The following GPR89B variants were observed in gnomAD, a reference collection of about 807,000 sequenced individuals.
The protein encoded by GPR89B is G protein-coupled receptor 89B.
Under a neutral mutation model 52.4 loss-of-function variants are expected in GPR89B, and 25 were observed. The observed-to-expected ratio is 0.48, with a 90% CI of 0.35 to 0.67. The LOEUF is 0.67. GPR89B is among the 30% of genes least tolerant of loss of function. GPR89B has a pLI of 0.01. For synonymous variants in GPR89B, 52 were observed against 151.2 expected (o/e 0.34, Z 4.81); for missense variants, 146 against 450.2 (o/e 0.32, Z 6.11).
intron 10 of GPR89B, among the ~76,000 whole-genome samples, chr1:147,975,199 G>A (rs1337338043): frequency 7.5e-6 from 1 of 134,010 alleles, no homozygotes; most frequent in Non-Finnish European, 1.6e-5. Context: ...AAATGAGTTA[G>A]GGAGGAGTCC....
the GPR89B span, among the ~76,000 whole-genome samples, chr1:147,998,887 A>G: frequency 1.3e-5 from 2 of 151,460 alleles, no homozygotes; most frequent in Non-Finnish European, 2.9e-5. Context: ...TCTCAAAAAA[A>G]AAAAAAAAAA....
intron 10 of GPR89B, among the ~76,000 whole-genome samples, chr1:147,975,609 C>G (rs1194098959): frequency 6.6e-6 from 1 of 152,158 alleles, no homozygotes; most frequent in Non-Finnish European, 1.5e-5. Context: ...AAAACTGGCT[C>G]CTGGATTCGT....
At chr1:147,932,569 T>C (rs1653737535) in intron 1 of GPR89B, among the ~76,000 whole-genome samples, 1 of 152,146 alleles carries the variant, frequency 6.6e-6, no homozygotes, top group Admixed American at 6.6e-5. Flanking sequence ...AAAGCTCCCT[T>C]TTCTAACTCA....
At chr1:147,983,762 A>G (rs1166134708) in intron 10 of GPR89B, among the ~76,000 whole-genome samples, 1 of 151,946 alleles carries the variant, frequency 6.6e-6, no homozygotes, top group Non-Finnish European at 1.5e-5. Flanking sequence ...TGTGGAAGTC[A>G]GTGTGGCGAT....
chr1:147,950,299 C>T (rs1231547907), intron 5 of GPR89B, among the ~76,000 whole-genome samples: 4 of 147,652 alleles, frequency 2.7e-5, no homozygotes, highest in African/African-American at 7.6e-5. Flanking sequence ...CCAGACGGGG[C>T]GGCGGGGCAG....
At chr1:147,982,448 T>A (rs1658330814) in intron 10 of GPR89B, among the ~76,000 whole-genome samples, 1 of 142,650 alleles carries the variant, frequency 7.0e-6, no homozygotes, top group African/African-American at 2.7e-5. Flanking sequence ...GTGCTCCAAT[T>A]TCTCCACATC....
the GPR89B span, chr1:148,011,843 G>A: frequency 6.6e-6 from 1 of 152,106 alleles, no homozygotes; most frequent in South Asian, 2.1e-4. Flanking sequence ...CCAGAATTTG[G>A]GAACTGTTTT....
intron 12 of GPR89B, among the ~76,000 whole-genome samples, chr1:147,988,818 C>T (rs1200485246): frequency 9.2e-5 from 14 of 151,524 alleles, no homozygotes; most frequent in African/African-American, 3.2e-4. Flanking sequence ...GAGCCAAGGT[C>T]ACACACTGCA....
intron 8 of GPR89B, chr1:147,967,869 G>A (rs1657144481): frequency 5.6e-6 from 1 of 178,606 alleles, no homozygotes; most frequent in African/African-American, 2.4e-5. Context: ...TCCTCAAGGA[G>A]CTTACCCTCT....
intron 7 of GPR89B, among the ~76,000 whole-genome samples, chr1:147,964,058 T>G (rs1476518136): frequency 6.6e-6 from 1 of 151,944 alleles, no homozygotes; most frequent in Non-Finnish European, 1.5e-5. Flanking sequence ...GCTGTACAGG[T>G]GCACCCTGAA....
At chr1:148,018,658 C>CATT in the GPR89B span, among the ~76,000 whole-genome samples, 2,444 of 149,996 alleles carry the variant, frequency 0.016, 42 homozygotes, top group African/African-American at 0.041. Context: ...AAGCAGTGCA[C>CATT]ATTATTATTA....
intron 10 of GPR89B, among the ~76,000 whole-genome samples, chr1:147,970,491 A>ATC (rs1174595676): frequency 0.11 from 11,133 of 105,508 alleles, 307 homozygotes; most frequent in Non-Finnish European, 0.12. Flanking sequence ...GTGAGACTCC[A>ATC]TCTCTCTCTC....
At chr1:147,962,767 G>A (rs1338436684) in intron 7 of GPR89B, among the ~76,000 whole-genome samples, 23 of 150,816 alleles carry the variant, frequency 1.5e-4, no homozygotes, top group East Asian at 4.0e-4. Context: ...GTGTGGTGGC[G>A]GGCACCTGTA....
chr1:147,933,878 A>G (rs1217193049), intron 1 of GPR89B, among the ~76,000 whole-genome samples: 20 of 152,136 alleles, frequency 1.3e-4, no homozygotes, highest in Non-Finnish European at 2.6e-4. Context: ...TATAATATAA[A>G]ACAAATCAGA....
rs138692411 is a variant in GPR89B at position 147,941,354 on chromosome 1, A to G, written c.207-2084A>G. ...AATCTTGCAGAAGCTTAGCTGAAAT[A>G]CTATGTAGTATTGCCTGGAGGATGT... On this transcript the variant is annotated intron_variant, in intron 3 of 13. Coordinates refer to ENST00000314163, the MANE Select transcript of GPR89B (RefSeq NM_016334.5). 8.6e-3 allele frequency among the ~76,000 whole-genome samples: 1,312 copies of G among 152,350 alleles called. 18 individuals are homozygous for G. The highest frequency in any genetic ancestry group is 0.029 in the African/African-American group (1,198 of 41,568).
chr1:147,985,941 AAGGCATAATGCCGTAGC>A (rs1247610205), intron 10 of GPR89B, among the ~76,000 whole-genome samples: 2 of 152,228 alleles, frequency 1.3e-5, no homozygotes, highest in Non-Finnish European at 2.9e-5. Flanking sequence ...CTGATAAATT[AAGGCATAATGCCGTAGC>A]TTTATTCCCA....
At chr1:148,011,571 G>A in the GPR89B span, 1 of 152,336 alleles carries the variant, frequency 6.6e-6, no homozygotes, top group Non-Finnish European at 1.5e-5. Context: ...TCGTGAGTCG[G>A]AGAGCCATCA....
chr1:147,971,634 G>A (rs1571295136), intron 10 of GPR89B, among the ~76,000 whole-genome samples: 1 of 151,064 alleles, frequency 6.6e-6, no homozygotes, highest in Admixed American at 6.6e-5. Context: ...GTGCCACAAC[G>A]CAAAATACAA....
At chr1:147,997,620 G>A (rs1355351241), downstream of GPR89B, among the ~76,000 whole-genome samples, 1 of 152,082 alleles carries the variant, frequency 6.6e-6, no homozygotes, top group African/African-American at 2.4e-5. Flanking sequence ...GCCTGTCGTG[G>A]GGCTTCTCAG....
Sources: allele counts gnomAD v4.1 joint callset (sites outside exome capture counted in the v4.1 genomes callset), GRCh38; gene constraint gnomAD v4.1.1; transcripts MANE v1.5; gene names NCBI Gene and HGNC (gene_info 2026-07-23, HGNC 2026-07-21).